Variants in FBLN1 observed in about 807,000 individuals in gnomAD.
FBLN1 encodes the protein fibulin-1.
A neutral mutation model predicts 89.7 loss-of-function variants in FBLN1; 34 were observed. The observed-to-expected ratio is 0.38, with a 90% CI of 0.29 to 0.50. FBLN1 has a LOEUF of 0.50. Among genes scored for constraint, FBLN1 ranks in the 20% least tolerant of loss-of-function variants. The pLI is 0.92. For synonymous variants in FBLN1, 393 were observed against 391.3 expected, an observed-to-expected ratio of 1.00 and a Z score of -0.05; for missense variants, 777 against 988.1, an observed-to-expected ratio of 0.79 and a Z score of 2.86.
At chr22:45,565,065 C>T (rs1329014736) in intron 14 of FBLN1, 3 of 1,604,404 alleles carry the variant, frequency 1.9e-6, no homozygotes, top group Non-Finnish European at 2.5e-6. Flanking sequence ...GCCACGGGAG[C>T]ATGAGCCCTT....
intron 16 of FBLN1, among the ~76,000 whole-genome samples, chr22:45,587,281 CCTCA>C (rs1226648313): frequency 2.7e-4 from 39 of 145,776 alleles, no homozygotes; most frequent in Admixed American, 2.5e-3. Context: ...AGAGAGACGT[CCTCA>C]GCCCAGAGCC....
chr22:45,594,165 T>C (rs1010382000), intron 16 of FBLN1, among the ~76,000 whole-genome samples: 4 of 152,178 alleles, frequency 2.6e-5, no homozygotes, highest in African/African-American at 7.2e-5. Flanking sequence ...TTTGCGATGC[T>C]GCATGTGGGC....
chr22:45,508,366 A>G (rs565868733), intron 1 of FBLN1, among the ~76,000 whole-genome samples: 12 of 147,598 alleles, frequency 8.1e-5, no homozygotes, highest in Admixed American at 7.6e-4. Context: ...GGTTCAAGCA[A>G]TCCTCCTGCC....
chr22:45,527,802 C>G (rs1376312583), intron 3 of FBLN1, 45 bp from the exon 4 acceptor site: 1 of 1,610,610 alleles, frequency 6.2e-7, no homozygotes, highest in Non-Finnish European at 8.5e-7. Context: ...CCCCGCTGGG[C>G]TGTCTGCCCG....
chr22:45,578,484 T>A lies in FBLN1; in HGVS notation c.1972+1376T>A, dbSNP rs529489942. The A allele has an allele frequency of 7.9e-5, 12 of 152,162 alleles. No individual in the cohort carries two copies. Among genetic ancestry groups the A allele is most frequent in the African/African-American group, 2.9e-4 (12 of 41,512 alleles). 9.4% of individuals were successfully genotyped at this position (152,162 alleles called of 1,614,324 possible). ...GGCGCATGGTTTGGTTGTCGGCAGT[T>A]GTGAAACTTGCTGCTTGCCCTTGAG... is the stretch of plus-strand genomic sequence containing the variant. On this transcript the variant is annotated intron_variant, in intron 16 of 16. Transcript: ENST00000327858. This position sits in a 1 kb window ranked among gnomAD's most constrained non-coding sequence, Gnocchi z 4.6.
chr22:45,563,257 A>G lies in FBLN1; in HGVS notation c.1698-11254A>G, dbSNP rs2088871326. 4 of 1,613,638 alleles carry G rather than the reference A, an allele frequency of 2.5e-6. No individual in the cohort carries two copies. The Middle Eastern group carries it at 4.9e-4, about 200-fold the overall frequency. ...CCAAGCTTTTCATCTTTGTGTCTGC[A>G]GAGCTCTGAGCACTCGCTTCGCGTC... On this transcript the variant is annotated intron_variant, in intron 14 of 16. Transcript: ENST00000327858. The surrounding 1 kb of genome is among the most constrained non-coding windows in gnomAD (Gnocchi z 5.7).
chr22:45,570,495 A>T (rs557566600), intron 14 of FBLN1, among the ~76,000 whole-genome samples: 1 of 152,096 alleles, frequency 6.6e-6, no homozygotes, highest in Non-Finnish European at 1.5e-5. Context: ...ACTAAACTAG[A>T]TGGAACACAA....
chr22:45,561,701 C>G lies in FBLN1; in HGVS notation c.1697+11086C>G, dbSNP rs1215921926. ...CAAAATCTGTAGTAGTTAGGGTTCTCTAGAGGGACAGAACTAACGGAATAC... is the reference window on the plus strand; with the variant it reads ...CAAAATCTGTAGTAGTTAGGGTTCTGTAGAGGGACAGAACTAACGGAATAC... On this transcript the variant is annotated intron_variant, in intron 14 of 16. Coordinates refer to ENST00000327858, the MANE Select transcript of FBLN1 (RefSeq NM_006486.3). This position sits in a 1 kb window ranked among gnomAD's most constrained non-coding sequence, Gnocchi z 4.7. Among the ~76,000 whole-genome samples the G allele has an allele frequency of 6.6e-6, 1 of 152,114 alleles. No homozygotes were observed. The highest frequency in any genetic ancestry group is 6.5e-5 in the Admixed American group (1 of 15,268).
intron 8 of FBLN1, among the ~76,000 whole-genome samples, chr22:45,538,846 G>A (rs2088516794): frequency 6.6e-6 from 1 of 152,064 alleles, no homozygotes; most frequent in African/African-American, 2.4e-5. Flanking sequence ...GAGCCCATCC[G>A]AGCCTCCTGC....
At position 45,550,817 on chromosome 22, in the gene FBLN1, A is replaced by C. The variant is rs556741225; in HGVS notation, c.1697+202A>C. On this transcript the variant is annotated intron_variant, in intron 14 of 16. Transcript: ENST00000327858. The surrounding 1 kb of genome is among the most constrained non-coding windows in gnomAD (Gnocchi z 8.4). Reference sequence around the variant, plus strand: ...CTCGGAAAGTCAAGGGGGTAACTGCAAATGAGTCTGGGGTCTATAGTCATG... The same window carrying C: ...CTCGGAAAGTCAAGGGGGTAACTGCCAATGAGTCTGGGGTCTATAGTCATG... 30 of 705,774 alleles carry C rather than the reference A, an allele frequency of 4.3e-5. No homozygotes were observed. The highest frequency in any genetic ancestry group is 7.0e-5 in the African/African-American group (4 of 57,256). The allele number at this position is 705,774 out of a possible 1,614,324, so 43.7% of individuals were successfully genotyped here.
At chr22:45,510,727 G>A (rs1280328768) in intron 1 of FBLN1, among the ~76,000 whole-genome samples, 1 of 152,220 alleles carries the variant, frequency 6.6e-6, no homozygotes, top group Non-Finnish European at 1.5e-5. Context: ...CTTCCTGGGT[G>A]TCCAGGGCAT....
At position 45,533,872 on chromosome 22, in the gene FBLN1, A is replaced by C. The variant is rs2088445078; in HGVS notation, c.758A>C (p.Glu253Ala). 6.2e-7 allele frequency: 1 copy of C among 1,614,110 alleles called. No homozygotes were observed. The highest frequency in any genetic ancestry group is 2.2e-5 in the East Asian group (1 of 44,888). ...QRDSSCGTGY[E>A]LTEDNSCKDI... ...GACAGCAGCTGCGGGACTGGCTATG[A>C]GCTCACAGAGGACAATAGCTGCAAA... The change falls in exon 7 of 17, where the codon GAG (glutamate) becomes GCG (alanine). Residue 253 changes from glutamate to alanine, a missense_variant. By Grantham distance (107) the Glu-to-Ala change is moderately radical. Transcript: ENST00000327858.
chr22:45,538,932 C>T (rs115990309), intron 8 of FBLN1, among the ~76,000 whole-genome samples: 2,160 of 152,228 alleles, frequency 0.014, 51 homozygotes, highest in African/African-American at 0.049. Context: ...GGTCTCTGCC[C>T]CTATCATGCA....
In FBLN1 at chr22:45,577,235, C is replaced by A. The variant is rs781393938; in HGVS notation, c.1972+127C>A. The stretch of plus-strand genomic sequence containing the variant: ...TTCAAGCCCACCCAACCTTCAGGGC[C>A]CAGCGCCGAGGCCACCACAGCTCCC... On this transcript the variant is annotated intron_variant, in intron 16 of 16. Coordinates refer to ENST00000327858, the MANE Select transcript of FBLN1 (RefSeq NM_006486.3). The surrounding 1 kb of genome is among the most constrained non-coding windows in gnomAD (Gnocchi z 6.6). The A allele has an allele frequency of 1.8e-6, 2 of 1,103,156 alleles. No individual in the cohort carries two copies. Among genetic ancestry groups the A allele is most frequent in the Non-Finnish European group, 2.7e-6 (2 of 749,072 alleles). 68.3% of individuals were successfully genotyped at this position (1,103,156 alleles called of 1,614,324 possible).
intron 1 of FBLN1, among the ~76,000 whole-genome samples, chr22:45,511,051 GGTGT>G (rs2088093160): frequency 1.3e-5 from 2 of 152,094 alleles, no homozygotes; most frequent in Admixed American, 1.3e-4. Context: ...TCCCAATCCT[GGTGT>G]GATAACTTTT....
In FBLN1 at chr22:45,597,657, G is replaced by T. The variant is rs1279693488; in HGVS notation, c.1973-2650G>T. 1.3e-5 allele frequency among the ~76,000 whole-genome samples: 2 copies of T among 152,176 alleles called. No homozygotes were observed. Among genetic ancestry groups the T allele is most frequent in the African/African-American group, 4.8e-5 (2 of 41,434 alleles). Reference sequence around the variant, plus strand: ...ATCAGGTTCTGCTGGCGAGCCCAGGGTGGTGACAGGCGCACGTCTTTTGCC... The same window carrying T: ...ATCAGGTTCTGCTGGCGAGCCCAGGTTGGTGACAGGCGCACGTCTTTTGCC... On this transcript the variant is annotated intron_variant, in intron 16 of 16. Coordinates refer to ENST00000327858, the MANE Select transcript of FBLN1 (RefSeq NM_006486.3). This position sits in a 1 kb window ranked among gnomAD's most constrained non-coding sequence, Gnocchi z 4.2.
intron 14 of FBLN1, among the ~76,000 whole-genome samples, chr22:45,566,404 T>C (rs2088901918): frequency 6.6e-6 from 1 of 152,212 alleles, no homozygotes; most frequent in Non-Finnish European, 1.5e-5. Context: ...GAGTGACAGC[T>C]GAGTGACCTG....
rs373844850 is a variant in FBLN1 at position 45,522,793 on chromosome 22, G to A, written c.186-2750G>A. ...TTGGAGGAATCTGGACACATCCAGT[G>A]AAACCTAAAGCAAGTCCCAAGCTGA... On this transcript the variant is annotated intron_variant, in intron 2 of 16. Coordinates refer to ENST00000327858, the MANE Select transcript of FBLN1 (RefSeq NM_006486.3). Among the ~76,000 whole-genome samples, 998 of 152,350 alleles carry A rather than the reference G, an allele frequency of 6.6e-3. 14 individuals carry two copies. Among genetic ancestry groups the A allele is most frequent in the African/African-American group, 0.022 (916 of 41,580 alleles).
intron 14 of FBLN1, among the ~76,000 whole-genome samples, chr22:45,560,494 A>T (rs912915680): frequency 8.5e-5 from 13 of 152,174 alleles, no homozygotes; most frequent in African/African-American, 3.1e-4. Flanking sequence ...AAGACCAAGC[A>T]TTTCCAGCTT....
Sources: allele counts gnomAD v4.1 joint callset (sites outside exome capture counted in the v4.1 genomes callset), GRCh38; gene constraint gnomAD v4.1.1; non-coding constraint Gnocchi (gnomAD v3.1); transcripts MANE v1.5; gene names NCBI Gene and HGNC (gene_info 2026-07-23, HGNC 2026-07-21).